Variants in RANBP2 observed in about 807,000 individuals in gnomAD.
RANBP2 encodes the protein E3 SUMO-protein ligase RanBP2.
In RANBP2, 57 loss-of-function variants were observed where a neutral mutation model predicts 303.6. That is an observed-to-expected ratio of 0.19 (90% confidence interval 0.15 to 0.23). The LOEUF is 0.23. RANBP2 is among the 10% of genes least tolerant of loss of function. The pLI is 1.00. For missense variants in RANBP2, 3,138 were observed against 3,780.8 expected, an observed-to-expected ratio of 0.83 and a Z score of 4.46; for synonymous variants, 1,167 against 1,301.5, an observed-to-expected ratio of 0.90 and a Z score of 2.23.
At chr2:109,339,402 C>T in the RANBP2 span, among the ~76,000 whole-genome samples, 14 of 152,156 alleles carry the variant, frequency 9.2e-5, no homozygotes, top group Non-Finnish European at 1.6e-4. Flanking sequence ...TAGTCCCCTC[C>T]TTCTCTTCCC....
At chr2:109,356,966 G>A in the RANBP2 span, among the ~76,000 whole-genome samples, 1 of 152,190 alleles carries the variant, frequency 6.6e-6, no homozygotes, top group Non-Finnish European at 1.5e-5. Flanking sequence ...CACTTCTGCA[G>A]CACAGATGTC....
At chr2:109,121,072 C>T in the RANBP2 span, among the ~76,000 whole-genome samples, 4 of 152,102 alleles carry the variant, frequency 2.6e-5, no homozygotes, top group Non-Finnish European at 5.9e-5. Context: ...TGGTGAAACC[C>T]CGTCTCTACT....
rs1227906406 is a variant in RANBP2, at chr2:108,742,569, G to T, written c.975+1888G>T. The stretch of plus-strand genomic sequence containing the variant: ...TCCACCCGACTTGGCCTCTCAAAGT[G>T]CTGGGATTACAGGCATAAGCCACCG... On this transcript the variant is annotated intron_variant, in intron 7 of 28. Coordinates refer to ENST00000283195, the MANE Select transcript of RANBP2 (RefSeq NM_006267.5). Among the ~76,000 whole-genome samples the T allele has an allele frequency of 3.3e-5, 5 of 152,104 alleles. No homozygotes were observed. In the East Asian group the frequency reaches 7.7e-4, roughly 24 times the overall value.
the RANBP2 span, among the ~76,000 whole-genome samples, chr2:109,131,068 C>T: frequency 0.041 from 6,194 of 152,218 alleles, 368 homozygotes; most frequent in African/African-American, 0.14. Context: ...CAACTTTATT[C>T]CTCTACTTTT....
the RANBP2 span, among the ~76,000 whole-genome samples, chr2:109,600,122 AG>A: frequency 1.3e-5 from 2 of 152,172 alleles, no homozygotes; most frequent in African/African-American, 2.4e-5. Context: ...TGGGCACAGT[AG>A]GGATGTCAGG....
chr2:109,461,468 C>G, the RANBP2 span, among the ~76,000 whole-genome samples: 2 of 107,160 alleles, frequency 1.9e-5, no homozygotes, highest in Admixed American at 9.6e-5. Flanking sequence ...TGCCAGAGGC[C>G]CCACGTAGCA....
the RANBP2 span, among the ~76,000 whole-genome samples, chr2:108,907,643 C>T: frequency 1.6e-5 from 1 of 61,618 alleles, no homozygotes; most frequent in South Asian, 6.4e-4. Flanking sequence ...GCAAGACTCT[C>T]ATCTCCAAAA....
the RANBP2 span, among the ~76,000 whole-genome samples, chr2:109,609,257 T>C: frequency 6.6e-6 from 1 of 152,178 alleles, no homozygotes; most frequent in Non-Finnish European, 1.5e-5. Flanking sequence ...AGAATAAAAT[T>C]GTCCAAGATA....
At chr2:108,796,899 T>C in the RANBP2 span, among the ~76,000 whole-genome samples, 2 of 152,206 alleles carry the variant, frequency 1.3e-5, no homozygotes, top group African/African-American at 4.8e-5. Flanking sequence ...TTTCAGTATT[T>C]ACTAGTACAA....
chr2:109,079,055 G>A, the RANBP2 span, among the ~76,000 whole-genome samples: 2 of 152,066 alleles, frequency 1.3e-5, no homozygotes, highest in East Asian at 1.9e-4. Flanking sequence ...ATCGGTTCAC[G>A]ATGTATATGT....
chr2:109,244,598 A>G, the RANBP2 span, among the ~76,000 whole-genome samples: 1 of 152,236 alleles, frequency 6.6e-6, no homozygotes, highest in Non-Finnish European at 1.5e-5. Context: ...ATAAGCTGGC[A>G]GGATGAGGAA....
the RANBP2 span, among the ~76,000 whole-genome samples, chr2:108,825,401 T>G: frequency 6.6e-6 from 1 of 152,058 alleles, no homozygotes; most frequent in South Asian, 2.1e-4. Flanking sequence ...ATCGCCTTAA[T>G]CAGTTTTAGA....
chr2:109,383,008 AGATCG>A, the RANBP2 span, among the ~76,000 whole-genome samples: 2 of 152,340 alleles, frequency 1.3e-5, no homozygotes, highest in East Asian at 3.9e-4. Context: ...CTGAACCTGG[AGATCG>A]GCCTTAGGAA....
At chr2:109,652,200 C>T in the RANBP2 span, among the ~76,000 whole-genome samples, 1 of 151,790 alleles carries the variant, frequency 6.6e-6, no homozygotes, top group African/African-American at 2.4e-5. Context: ...CGCCACTATC[C>T]ATGGACTTAA....
chr2:109,383,667 G>A, the RANBP2 span, among the ~76,000 whole-genome samples: 1 of 152,174 alleles, frequency 6.6e-6, no homozygotes, highest in Non-Finnish European at 1.5e-5. Flanking sequence ...ATGAGAAACA[G>A]CACTGATTCC....
chr2:108,719,511 C>T lies in RANBP2; in HGVS notation c.-96C>T. ...TGGTCCTCCGCCGGCTACGGCGCTG[C>T]GTCACTGGTTTGCAGGCGCTTTCCT... On this transcript the variant is annotated 5_prime_UTR_variant, in exon 1 of 29. Coordinates refer to ENST00000283195, the MANE Select transcript of RANBP2 (RefSeq NM_006267.5). 6 of 1,533,476 alleles carry T rather than the reference C, an allele frequency of 3.9e-6. No individual in the cohort carries two copies. Among genetic ancestry groups the T allele is most frequent in the East Asian group, 2.4e-5 (1 of 41,042 alleles). 95.0% of individuals were successfully genotyped at this position (1,533,476 alleles called of 1,614,324 possible). A position where few individuals can be genotyped will look rare whatever the true frequency, so the allele number is the denominator to read the frequency against.
chr2:108,943,245 T>C, the RANBP2 span, among the ~76,000 whole-genome samples: 1 of 152,128 alleles, frequency 6.6e-6, no homozygotes, highest in Admixed American at 6.5e-5. Flanking sequence ...TCAGCAGAGG[T>C]ACCTAGCTAG....
At chr2:109,307,983 C>T in the RANBP2 span, among the ~76,000 whole-genome samples, 1 of 140,670 alleles carries the variant, frequency 7.1e-6, no homozygotes, top group Non-Finnish European at 1.5e-5. Flanking sequence ...GTTCTAGATC[C>T]CTGAGGAATC....
the RANBP2 span, among the ~76,000 whole-genome samples, chr2:109,139,872 G>C: frequency 4.9e-4 from 75 of 152,322 alleles, 1 homozygote; most frequent in African/African-American, 1.5e-3. Flanking sequence ...GGAGTCGTGT[G>C]GACAGGGGTC....
Sources: gnomAD v4.1 joint callset for allele counts (sites outside exome capture counted in the v4.1 genomes callset) on GRCh38, gnomAD v4.1.1 for gene constraint, MANE v1.5 for transcripts, NCBI Gene and HGNC (gene_info 2026-07-23, HGNC 2026-07-21) for gene names.